Variants in CDH4 observed in about 807,000 individuals in gnomAD.
The protein encoded by CDH4 is cadherin-4.
CDH4 carries 33 observed loss-of-function variants against 86.0 expected under a neutral mutation model. The ratio of observed to expected loss-of-function variants is 0.38; its 90% CI spans 0.29 to 0.51. CDH4 has a LOEUF of 0.51. Ranked by LOEUF, CDH4 falls within the 20% of genes least tolerant of loss-of-function variation. The pLI, the probability that CDH4 is intolerant of heterozygous loss-of-function variation, is 0.86. For synonymous variants in CDH4, 555 were observed against 549.4 expected (o/e 1.01, Z -0.14); for missense variants, 1,114 against 1,307.4 (o/e 0.85, Z 2.28).
At chr20:61,479,624 A>T (rs947299169) in intron 2 of CDH4, among the ~76,000 whole-genome samples, 4 of 152,230 alleles carry the variant, frequency 2.6e-5, no homozygotes, top group African/African-American at 9.6e-5. Context: ...ATGCAGCCAT[A>T]AAAAAGCTGA....
chr20:61,880,360 G>C (rs1032503804), intron 7 of CDH4, among the ~76,000 whole-genome samples: 1 of 152,106 alleles, frequency 6.6e-6, no homozygotes, highest in Admixed American at 6.5e-5. Flanking sequence ...TGAAGACACC[G>C]AATATGGCTA....
At chr20:61,841,908 C>T (rs1982195929) in intron 4 of CDH4, among the ~76,000 whole-genome samples, 1 of 152,200 alleles carries the variant, frequency 6.6e-6, no homozygotes, top group Non-Finnish European at 1.5e-5. Flanking sequence ...CGGAAAACAG[C>T]TTTTTTCTAT....
chr20:61,342,978 A>G (rs973275090), intron 2 of CDH4, among the ~76,000 whole-genome samples: 5 of 152,398 alleles, frequency 3.3e-5, no homozygotes, highest in Non-Finnish European at 5.9e-5. Context: ...TTGAATATGA[A>G]TGGATTTGAA....
intron 6 of CDH4, among the ~76,000 whole-genome samples, chr20:61,871,057 G>GTGTGTC (rs1983784127): frequency 2.0e-5 from 3 of 152,116 alleles, no homozygotes; most frequent in East Asian, 3.9e-4. Flanking sequence ...GTGTGTGTGT[G>GTGTGTC]TGTGTGTGTA....
intron 7 of CDH4, among the ~76,000 whole-genome samples, chr20:61,874,866 C>A (rs2035544699): frequency 2.0e-5 from 3 of 152,236 alleles, no homozygotes; most frequent in Admixed American, 1.3e-4. Flanking sequence ...CAGTGCAGCC[C>A]TGCCCGCGGG....
chr20:61,334,484 T>C (rs959257071), intron 2 of CDH4, among the ~76,000 whole-genome samples: 4 of 152,138 alleles, frequency 2.6e-5, no homozygotes, highest in African/African-American at 7.2e-5. Context: ...CAGAAATCAA[T>C]GCTTACAGCT....
intron 2 of CDH4, among the ~76,000 whole-genome samples, chr20:61,301,094 A>G (rs567703773): frequency 6.6e-6 from 1 of 152,318 alleles, no homozygotes; most frequent in Non-Finnish European, 1.5e-5. Context: ...CCCCATTTGC[A>G]GTGTCTCTGT....
intron 4 of CDH4, among the ~76,000 whole-genome samples, chr20:61,836,649 A>C (rs1266239857): frequency 1.3e-5 from 2 of 152,274 alleles, no homozygotes; most frequent in Non-Finnish European, 2.9e-5. Context: ...AGTAATGTTC[A>C]AGAATCAAGG....
rs1344492743 is a variant in CDH4, at chr20:61,377,660, A to G, written c.169+122723A>G. Among the ~76,000 whole-genome samples, 1 of 152,244 alleles carries G rather than the reference A, an allele frequency of 6.6e-6. No individual in the cohort carries two copies. The highest frequency in any genetic ancestry group is 1.9e-4 in the East Asian group (1 of 5,194). The stretch of plus-strand genomic sequence containing the variant: ...TGAAGAACGTGAACCAGATCCCCAG[A>G]AAGAACATCCCTTTCAAAACCAGAA... On this transcript the variant is annotated intron_variant, in intron 2 of 15. Transcript: ENST00000614565. The surrounding 1 kb of genome is among the most constrained non-coding windows in gnomAD (Gnocchi z 4.0).
At chr20:61,780,844 A>T (rs1384567053) in intron 4 of CDH4, among the ~76,000 whole-genome samples, 1 of 152,190 alleles carries the variant, frequency 6.6e-6, no homozygotes, top group African/African-American at 2.4e-5. Context: ...TCAAAGGGTG[A>T]GTGGATCTCA....
In CDH4 at chr20:61,810,887, G is replaced by C. The variant is rs550887307; in HGVS notation, c.577-33781G>C. Among the ~76,000 whole-genome samples, 12 of 152,270 alleles carry C rather than the reference G, an allele frequency of 7.9e-5. No individual in the cohort carries two copies. The highest frequency in any genetic ancestry group is 2.2e-4 in the African/African-American group (9 of 41,566). ...TCTCCAGAACGCAGCCAGCACAGAG[G>C]GTATGGCCGCTCCAGGAAGCTTCGA... On this transcript the variant is annotated intron_variant, in intron 4 of 15. Coordinates refer to ENST00000614565, the MANE Select transcript of CDH4 (RefSeq NM_001794.5). This position sits in a 1 kb window ranked among gnomAD's most constrained non-coding sequence, Gnocchi z 4.3.
chr20:61,926,454 GAGCCCGGGCTGTGTAGCTGTGCAGCT>G, intron 11 of CDH4, among the ~76,000 whole-genome samples: 1 of 152,220 alleles, frequency 6.6e-6, no homozygotes, highest in African/African-American at 2.4e-5. Flanking sequence ...AGGGTCCACA[GAGCCCGGGCTGTGTAGCTGTGCAGCT>G]GTGCAGCTGC....
chr20:61,648,527 A>G (rs2087089241), intron 2 of CDH4, among the ~76,000 whole-genome samples: 1 of 152,138 alleles, frequency 6.6e-6, no homozygotes, highest in Non-Finnish European at 1.5e-5. Context: ...TCTAGACAGT[A>G]TGGGGTGGGG....
chr20:61,838,864 AAAAAAG>A (rs1422476550), intron 4 of CDH4, among the ~76,000 whole-genome samples: 2 of 151,934 alleles, frequency 1.3e-5, no homozygotes, highest in African/African-American at 2.4e-5. Flanking sequence ...AAAAGGAAAA[AAAAAAG>A]AAAAGAAAAT....
chr20:61,568,349 C>T (rs948236587), intron 2 of CDH4, among the ~76,000 whole-genome samples: 1 of 152,126 alleles, frequency 6.6e-6, no homozygotes, highest in African/African-American at 2.4e-5. Context: ...GGGGCTTTTT[C>T]CCTTCGTTCC....
chr20:61,827,182 A>G (rs1981365187), intron 4 of CDH4, among the ~76,000 whole-genome samples: 1 of 152,228 alleles, frequency 6.6e-6, no homozygotes, highest in Non-Finnish European at 1.5e-5. Flanking sequence ...ATACATTAAC[A>G]AAGCAAGCCC....
intron 2 of CDH4, among the ~76,000 whole-genome samples, chr20:61,309,157 G>A (rs1212659259): frequency 1.3e-5 from 2 of 152,260 alleles, no homozygotes; most frequent in Non-Finnish European, 2.9e-5. Context: ...AGCTCGGCTG[G>A]TGCCCAGGAG....
At chr20:61,897,240 G>A (rs1985171764) in intron 8 of CDH4, among the ~76,000 whole-genome samples, 1 of 152,180 alleles carries the variant, frequency 6.6e-6, no homozygotes, top group Non-Finnish European at 1.5e-5. Flanking sequence ...CCAAAATTCA[G>A]AGAATCCCAT....
chr20:61,904,136 C>G (rs977919073), intron 8 of CDH4, among the ~76,000 whole-genome samples: 2 of 152,184 alleles, frequency 1.3e-5, no homozygotes, highest in African/African-American at 4.8e-5. Flanking sequence ...GGGCCCGTAG[C>G]CCCACCCACA....
Sources: allele counts gnomAD v4.1 joint callset (sites outside exome capture counted in the v4.1 genomes callset), GRCh38; gene constraint gnomAD v4.1.1; non-coding constraint Gnocchi (gnomAD v3.1); transcripts MANE v1.5; gene names NCBI Gene and HGNC (gene_info 2026-07-23, HGNC 2026-07-21).